EFHB: variants seen among roughly 807,000 people sequenced by gnomAD.
EFHB encodes EF-hand domain-containing family member B.
A neutral mutation model predicts 87.2 loss-of-function variants in EFHB; 91 were observed. The ratio of observed to expected loss-of-function variants is 1.04; its 90% CI spans 0.88 to 1.24. The LOEUF (loss-of-function observed/expected upper bound fraction) is 1.24. EFHB is among the 50% of genes most tolerant of loss of function. The pLI is 0.00. For missense variants in EFHB, 1,084 were observed against 998.8 expected, an observed-to-expected ratio of 1.09 and a Z score of -1.15; for synonymous variants, 325 against 333.6, an observed-to-expected ratio of 0.97 and a Z score of 0.28.
In EFHB at chr3:19,896,714, C is replaced by A; in HGVS notation, c.1698G>T (p.Leu566Phe). 1 of 1,614,018 alleles carries A rather than the reference C, an allele frequency of 6.2e-7. No homozygotes were observed. The highest frequency in any genetic ancestry group is 1.1e-5 in the South Asian group (1 of 91,078). Reference protein sequence around the residue: ...KKVNYQKFDTLLAAFRHYDKK... With the variant: ...KKVNYQKFDTFLAAFRHYDKK... ...TGTCATAGTGCCTGAAGGCTGCCAGCAAAGTGTCAAACTTTTGGTAATTAA... is the reference window on the plus strand; with the variant it reads ...TGTCATAGTGCCTGAAGGCTGCCAGAAAAGTGTCAAACTTTTGGTAATTAA... The change falls in exon 9 of 13, where the codon TTG (leucine) becomes TTT (phenylalanine). Residue 566 changes from leucine (L) to phenylalanine (F), a missense_variant. By Grantham distance (22) the Leu-to-Phe change is conservative. Coordinates refer to ENST00000295824, the MANE Select transcript of EFHB (RefSeq NM_144715.4).
intron 5 of EFHB, among the ~76,000 whole-genome samples, chr3:19,914,637 T>TACCCA (rs1559463452): frequency 6.6e-6 from 1 of 152,134 alleles, no homozygotes; most frequent in East Asian, 1.9e-4. Context: ...TATATTACTA[T>TACCCA]ACCCATTTAA....
chr3:19,883,024 A>G (rs2071720696), intron 11 of EFHB, among the ~76,000 whole-genome samples: 1 of 151,650 alleles, frequency 6.6e-6, no homozygotes, highest in African/African-American at 2.4e-5. Flanking sequence ...TTTTTGAGAC[A>G]GGGTCTCACT....
intron 4 of EFHB, among the ~76,000 whole-genome samples, chr3:19,915,674 C>T (rs13067641): frequency 0.21 from 31,739 of 151,580 alleles, 3,755 homozygotes; most frequent in Middle Eastern, 0.27. Context: ...AATCTCAGCA[C>T]TTTGGGAGGC....
rs147936472 is a variant in EFHB at position 19,884,449 on chromosome 3, T to A, written c.2100A>T (p.Thr700=). 80 of 1,613,920 alleles carry A rather than the reference T, an allele frequency of 5.0e-5. 1 individual carries two copies. In the African/African-American group the frequency reaches 8.5e-4, roughly 17 times the overall value. Residue 700 remains threonine, a synonymous_variant, in exon 11 of 13, where the codon ACA becomes ACT. Transcript: ENST00000295824. ...PSDKVSNYYK[T]TSSEINAIVG... ...CAATTGCATTGATCTCAGAAGAAGT[T>A]GTCTTATAGTAGTTGGAAACTTTAT...
chr3:19,932,029 A>C (rs540061265), intron 1 of EFHB, among the ~76,000 whole-genome samples: 5 of 152,324 alleles, frequency 3.3e-5, no homozygotes, highest in African/African-American at 1.2e-4. Flanking sequence ...AACACTGGAC[A>C]TTCATTTGCC....
chr3:19,901,556 C>G (rs866540739), intron 6 of EFHB, among the ~76,000 whole-genome samples: 19 of 152,272 alleles, frequency 1.2e-4, no homozygotes, highest in Middle Eastern at 3.4e-3. Flanking sequence ...TTCTTCATTT[C>G]CTTCCCATTT....
chr3:19,929,435 GT>G (rs1695749040), intron 1 of EFHB, among the ~76,000 whole-genome samples: 1 of 151,902 alleles, frequency 6.6e-6, no homozygotes, highest in South Asian at 2.1e-4. Context: ...GCCAGGTGTG[GT>G]GGCTCACGCC....
At position 19,879,520 on chromosome 3, in the gene EFHB, G is replaced by C; in HGVS notation, c.*111C>G. ...ATTAGCAACACATACAGGCATATGA[G>C]TCTTACCACTGTGAACTCTAACATA... On this transcript the variant is annotated 3_prime_UTR_variant, in exon 13 of 13. Coordinates refer to ENST00000295824, the MANE Select transcript of EFHB (RefSeq NM_144715.4). The C allele has an allele frequency of 8.2e-7, 1 of 1,212,314 alleles. No individual in the cohort carries two copies. Among genetic ancestry groups the C allele is most frequent in the Non-Finnish European group, 1.1e-6 (1 of 887,298 alleles). 75.1% of individuals were successfully genotyped at this position (1,212,314 alleles called of 1,614,324 possible).
At chr3:19,922,511 G>A in intron 1 of EFHB, among the ~76,000 whole-genome samples, 1 of 152,128 alleles carries the variant, frequency 6.6e-6, no homozygotes, top group East Asian at 1.9e-4. Context: ...ATTAATAGGA[G>A]CATTAATAAG....
chr3:19,899,578 A>ATTTGGCAGC, intron 6 of EFHB, 63 bp from the exon 7 acceptor site: 1 of 1,272,038 alleles, frequency 7.9e-7, no homozygotes, highest in Non-Finnish European at 1.1e-6. Flanking sequence ...TGCCAAATAT[A>ATTTGGCAGC]CATAAGGCGA....
chr3:19,883,247 C>T (rs1442758315), intron 11 of EFHB, among the ~76,000 whole-genome samples: 1 of 152,158 alleles, frequency 6.6e-6, no homozygotes, highest in African/African-American at 2.4e-5. Flanking sequence ...TTGATCCTCC[C>T]ACCTTGGCCT....
At chr3:19,924,971 C>T (rs1020997388) in intron 1 of EFHB, among the ~76,000 whole-genome samples, 1 of 152,058 alleles carries the variant, frequency 6.6e-6, no homozygotes, top group South Asian at 2.1e-4. Context: ...GATGGCCGGG[C>T]GCAGTGGCTC....
upstream of EFHB, among the ~76,000 whole-genome samples, chr3:19,934,406 T>C (rs1695956606): frequency 1.6e-5 from 2 of 126,258 alleles, no homozygotes; most frequent in African/African-American, 6.2e-5. Flanking sequence ...CCCTTCTCTC[T>C]CCTCTCTCTC....
chr3:19,884,703 T>G (rs1694033292), intron 10 of EFHB, 88 bp from the exon 11 acceptor site: 2 of 1,285,138 alleles, frequency 1.6e-6, no homozygotes. Flanking sequence ...TTTTCCCATC[T>G]AGTCTCTTCT....
At chr3:19,945,001 G>A (rs1696237585) in intron 1 of EFHB, among the ~76,000 whole-genome samples, 1 of 152,180 alleles carries the variant, frequency 6.6e-6, no homozygotes, top group South Asian at 2.1e-4. Flanking sequence ...CCATTATACA[G>A]AGTAAGGCAA....
intron 12 of EFHB, among the ~76,000 whole-genome samples, chr3:19,880,857 CAA>C (rs1168929654): frequency 2.0e-5 from 3 of 147,046 alleles, no homozygotes; most frequent in Middle Eastern, 3.5e-3. Flanking sequence ...TATGTGAAAA[CAA>C]AATTTTAAAA....
intron 4 of EFHB, 135 bp downstream of exon 4, chr3:19,918,097 A>T (rs1695295993): frequency 9.7e-7 from 1 of 1,026,628 alleles, no homozygotes; most frequent in Non-Finnish European, 1.4e-6. Flanking sequence ...ACTTTCTTGC[A>T]ACAATCCCAT....
intron 10 of EFHB, among the ~76,000 whole-genome samples, chr3:19,886,333 C>T (rs1229751442): frequency 6.6e-6 from 1 of 151,984 alleles, no homozygotes; most frequent in Non-Finnish European, 1.5e-5. Context: ...AAAGGCATGA[C>T]CCAAGAATAA....
intron 1 of EFHB, among the ~76,000 whole-genome samples, chr3:19,929,938 T>A (rs575801407): frequency 7.4e-4 from 112 of 152,268 alleles, no homozygotes; most frequent in African/African-American, 2.6e-3. Flanking sequence ...AGATTTCAAA[T>A]CCCACCACTT....
Sources: allele counts gnomAD v4.1 joint callset (sites outside exome capture counted in the v4.1 genomes callset), GRCh38; gene constraint gnomAD v4.1.1; transcripts MANE v1.5; gene names NCBI Gene and HGNC (gene_info 2026-07-23, HGNC 2026-07-21).